Variants in LRP1B observed in about 807,000 individuals in gnomAD.
LRP1B encodes the protein LDL receptor related protein 1B.
In LRP1B, 217 loss-of-function variants were observed where a neutral mutation model predicts 556.6. The observed-to-expected ratio is 0.39, with a 90% CI of 0.35 to 0.44. LRP1B has a LOEUF of 0.44. Among genes scored for constraint, LRP1B ranks in the 20% least tolerant of loss-of-function variants. LRP1B has a pLI of 1.00. For missense variants in LRP1B, 5,053 were observed against 5,620.8 expected, an observed-to-expected ratio of 0.90 and a Z score of 3.23; for synonymous variants, 2,047 against 1,865.8, an observed-to-expected ratio of 1.10 and a Z score of -2.50.
At chr2:141,384,202 A>C (rs1689746675) in intron 3 of LRP1B, among the ~76,000 whole-genome samples, 1 of 152,272 alleles carries the variant, frequency 6.6e-6, no homozygotes, top group African/African-American at 2.4e-5. Context: ...GCAATTTCAA[A>C]GACGTTAAAA....
intron 3 of LRP1B, among the ~76,000 whole-genome samples, chr2:141,464,606 A>ATATATATATATATATTTTTTTTTTTTT: frequency 1.1e-5 from 1 of 90,562 alleles, no homozygotes; most frequent in African/African-American, 4.3e-5. Flanking sequence ...ATATATATAT[A>ATATATATATATATATTTTTTTTTTTTT]TTTTTTTAGT....
intron 20 of LRP1B, among the ~76,000 whole-genome samples, chr2:140,945,905 A>C (rs1322618676): frequency 6.6e-6 from 1 of 152,194 alleles, no homozygotes; most frequent in African/African-American, 2.4e-5. Flanking sequence ...ATAAACTGCC[A>C]ACAGAGTAAA....
chr2:141,727,301 A>G (rs1449894377), intron 2 of LRP1B, among the ~76,000 whole-genome samples: 1 of 152,182 alleles, frequency 6.6e-6, no homozygotes, highest in Non-Finnish European at 1.5e-5. Context: ...GAGAACAGAA[A>G]CATATTAAAT....
At chr2:141,165,043 G>T (rs1680190770) in intron 7 of LRP1B, among the ~76,000 whole-genome samples, 1 of 152,068 alleles carries the variant, frequency 6.6e-6, no homozygotes, top group South Asian at 2.1e-4. Flanking sequence ...CCTAAAAACA[G>T]TAATAGGCAA....
At chr2:140,259,364 C>T (rs1369026141) in intron 86 of LRP1B, among the ~76,000 whole-genome samples, 6 of 151,952 alleles carry the variant, frequency 3.9e-5, no homozygotes, top group African/African-American at 9.7e-5. Context: ...GTGTATTAAG[C>T]CTGTCTAGTT....
chr2:142,074,217 C>T (rs530129225), intron 1 of LRP1B, among the ~76,000 whole-genome samples: 159 of 152,144 alleles, frequency 1.0e-3, no homozygotes, highest in Non-Finnish European at 1.9e-3. Context: ...CCCCAAAGCC[C>T]TCAGGAAATT....
chr2:140,391,703 C>T (rs1684028425), intron 66 of LRP1B, among the ~76,000 whole-genome samples: 1 of 151,904 alleles, frequency 6.6e-6, no homozygotes, highest in Non-Finnish European at 1.5e-5. Context: ...TCCTTAGAGC[C>T]TCAGAATTTA....
chr2:141,770,339 G>C (rs970265946), intron 2 of LRP1B, among the ~76,000 whole-genome samples: 3 of 151,962 alleles, frequency 2.0e-5, no homozygotes, highest in African/African-American at 7.3e-5. Flanking sequence ...CACTTTAATG[G>C]TTAATCTAAG....
chr2:140,505,439 C>T (rs969866521), intron 53 of LRP1B, among the ~76,000 whole-genome samples: 2 of 152,158 alleles, frequency 1.3e-5, no homozygotes, highest in Admixed American at 1.3e-4. Flanking sequence ...ACCTCAAGAA[C>T]GATTCTTCTC....
intron 3 of LRP1B, among the ~76,000 whole-genome samples, chr2:141,448,720 G>T (rs1002414922): frequency 6.6e-6 from 1 of 152,120 alleles, no homozygotes; most frequent in East Asian, 1.9e-4. Flanking sequence ...CCCTCCACGG[G>T]CTAAACCCAC....
intron 2 of LRP1B, among the ~76,000 whole-genome samples, chr2:141,806,817 T>G (rs1696181222): frequency 6.6e-6 from 1 of 152,078 alleles, no homozygotes; most frequent in South Asian, 2.1e-4. Flanking sequence ...TCCCAAACAA[T>G]ATCCATTTAA....
chr2:140,315,966 C>T (rs1467926509), intron 82 of LRP1B, among the ~76,000 whole-genome samples: 3 of 152,008 alleles, frequency 2.0e-5, no homozygotes, highest in East Asian at 1.9e-4. Flanking sequence ...TAAATGATTC[C>T]GTAGAGTCTA....
rs571303666 is a variant in LRP1B, at chr2:141,846,983, C to T, written c.83-36582G>A. ...TATGCTACTCAAGAGTTCTCTCTTA[C>T]TAAATAAGGTAAAGAAAAGAAAGAG... On this transcript the variant is annotated intron_variant, in intron 1 of 90. Coordinates refer to ENST00000389484, the MANE Select transcript of LRP1B (RefSeq NM_018557.3). Among the ~76,000 whole-genome samples the T allele has an allele frequency of 2.6e-5, 4 of 151,328 alleles. No homozygotes were observed. In the East Asian group the frequency reaches 7.8e-4, roughly 29 times the overall value.
intron 32 of LRP1B, among the ~76,000 whole-genome samples, chr2:140,786,658 G>C (rs1689912898): frequency 6.6e-6 from 1 of 152,136 alleles, no homozygotes; most frequent in African/African-American, 2.4e-5. Flanking sequence ...AAGATGGAGA[G>C]CATTGAAGAA....
intron 3 of LRP1B, among the ~76,000 whole-genome samples, chr2:141,331,859 C>T (rs568880904): frequency 6.6e-6 from 1 of 152,258 alleles, no homozygotes; most frequent in African/African-American, 2.4e-5. Flanking sequence ...CATCTGTCCC[C>T]TTCCCAGACT....
intron 3 of LRP1B, among the ~76,000 whole-genome samples, chr2:141,369,793 C>T (rs1689163082): frequency 6.6e-6 from 1 of 152,142 alleles, no homozygotes; most frequent in Non-Finnish European, 1.5e-5. Flanking sequence ...GGAGCAAGCT[C>T]CCATGATTTA....
intron 1 of LRP1B, among the ~76,000 whole-genome samples, chr2:142,117,094 C>A (rs184010254): frequency 6.6e-6 from 1 of 152,004 alleles, no homozygotes; most frequent in Non-Finnish European, 1.5e-5. Context: ...ACTTCCCACA[C>A]GGAATATTTT....
chr2:141,599,769 A>T (rs1687662331), intron 2 of LRP1B, among the ~76,000 whole-genome samples: 1 of 135,590 alleles, frequency 7.4e-6, no homozygotes, highest in South Asian at 2.2e-4. Context: ...GTTTTCTCAA[A>T]AACAACTAAG....
intron 55 of LRP1B, 61 bp from the exon 56 acceptor site, chr2:140,495,809 A>G (rs563178234): frequency 7.4e-5 from 103 of 1,388,266 alleles, no homozygotes; most frequent in Middle Eastern, 5.0e-4. Flanking sequence ...TTACTTTTGG[A>G]TATCTCTTTA....
Sources: allele counts gnomAD v4.1 joint callset (sites outside exome capture counted in the v4.1 genomes callset), GRCh38; gene constraint gnomAD v4.1.1; transcripts MANE v1.5; gene names NCBI Gene and HGNC (gene_info 2026-07-23, HGNC 2026-07-21).